The following DMD variants were observed in gnomAD, a reference collection of about 807,000 sequenced individuals.
DMD encodes the protein dystrophin, also known as mutant dystrophin.
In DMD, 63 loss-of-function variants were observed where a neutral mutation model predicts 330.1. That is an observed-to-expected ratio of 0.19 (90% confidence interval 0.16 to 0.24). The LOEUF (loss-of-function observed/expected upper bound fraction) is 0.24, where lower values mean the gene tolerates loss of function less well. DMD is among the 10% of genes least tolerant of loss of function. The probability of loss-of-function intolerance (pLI) is 1.00; values close to 1 mark genes in which losing one functional copy is unlikely to be tolerated. For synonymous variants in DMD, 1,223 were observed against 959.8 expected, an observed-to-expected ratio of 1.27 and a Z score of -5.07; for missense variants, 3,344 against 2,684.1, an observed-to-expected ratio of 1.25 and a Z score of -5.43.
intron 29 of DMD, among the ~76,000 whole-genome samples, chrX:32,429,634 C>G (rs1183863428): frequency 9.2e-6 from 1 of 108,807 alleles, no homozygotes; most frequent in African/African-American, 3.4e-5. Context: ...TTACTGCGTA[C>G]TGATTGAGAA....
At chrX:32,624,247 T>A (rs1287213385) in intron 11 of DMD, among the ~76,000 whole-genome samples, 2 of 111,812 alleles carry the variant, frequency 1.8e-5, no homozygotes, top group African/African-American at 6.5e-5. Context: ...TATACATATA[T>A]GACTGGCAAT....
At chrX:31,872,412 C>A (rs971621571) in intron 48 of DMD, among the ~76,000 whole-genome samples, 4 of 111,448 alleles carry the variant, frequency 3.6e-5, no homozygotes, top group Admixed American at 2.9e-4. Flanking sequence ...CATAGACAAT[C>A]GAAGACACAA....
chrX:31,674,317 T>C (rs1262099224), intron 53 of DMD, among the ~76,000 whole-genome samples: 1 of 112,495 alleles, frequency 8.9e-6, no homozygotes, highest in Non-Finnish European at 1.9e-5. Context: ...CTGCCTTAGT[T>C]ACTACATACA....
At chrX:31,946,187 T>TC (rs2095084266) in intron 45 of DMD, among the ~76,000 whole-genome samples, 1 of 111,510 alleles carries the variant, frequency 9.0e-6, no homozygotes, top group African/African-American at 3.3e-5. Flanking sequence ...TAACAGTGAG[T>TC]CCCTCTGAGT....
chrX:33,094,718 G>A (rs1392999921), intron 1 of DMD, among the ~76,000 whole-genome samples: 1 of 107,000 alleles, frequency 9.3e-6, no homozygotes, highest in Non-Finnish European at 1.9e-5. Context: ...TGAGGAGGGA[G>A]AATCGCTTGA....
chrX:32,669,816 C>T (rs770229655), intron 9 of DMD, among the ~76,000 whole-genome samples: 2 of 110,925 alleles, frequency 1.8e-5, no homozygotes, highest in African/African-American at 3.3e-5. Context: ...CTGCCAATGC[C>T]CTTCTCTTGC....
chrX:31,458,126 G>T (rs1388966566), intron 59 of DMD, among the ~76,000 whole-genome samples: 1 of 111,214 alleles, frequency 9.0e-6, no homozygotes, highest in Non-Finnish European at 1.9e-5. Context: ...ACATCATAAT[G>T]GTTCATCTTC....
At position 31,932,117 on chromosome X, in the gene DMD, T is replaced by C; in HGVS notation, c.6725A>G (p.Lys2242Arg). Residue 2242 changes from lysine to arginine, a missense_variant, in exon 46 of 79, where the codon AAA (lysine) becomes AGA (arginine). Lys to Arg is a conservative substitution (Grantham distance 26, BLOSUM62 2). Coordinates refer to ENST00000357033, the MANE Select transcript of DMD (RefSeq NM_004006.3). ...AAGCTTTTCTTTTAGTTGCTGCTCTTTTCCAGGTTCAAGTGGGATACTAGC... is the reference window on the plus strand; with the variant it reads ...AAGCTTTTCTTTTAGTTGCTGCTCTCTTCCAGGTTCAAGTGGGATACTAGC... ...NIASIPLEPG[K>R]EQQLKEKLEQ... is the part of the protein sequence containing the mutation. The C allele has an allele frequency of 1.7e-6, 2 of 1,211,306 alleles. No individual in the cohort carries two copies. The highest frequency in any genetic ancestry group is 2.2e-6 in the Non-Finnish European group (2 of 895,022).
At chrX:32,297,994 G>C (rs907338416) in intron 42 of DMD, among the ~76,000 whole-genome samples, 1 of 110,125 alleles carries the variant, frequency 9.1e-6, no homozygotes, top group Non-Finnish European at 1.9e-5. Flanking sequence ...ATGAGCTAGC[G>C]ACTACCAGAG....
intron 52 of DMD, among the ~76,000 whole-genome samples, chrX:31,721,269 C>A (rs2085451868): frequency 9.0e-6 from 1 of 111,147 alleles, no homozygotes; most frequent in Non-Finnish European, 1.9e-5. Context: ...GGCTATGGTT[C>A]CCAGTTGTTT....
chrX:31,147,120 C>T (rs1337486640), intron 75 of DMD, among the ~76,000 whole-genome samples, 155 bp downstream of exon 75: 1 of 111,943 alleles, frequency 8.9e-6, no homozygotes, highest in Non-Finnish European at 1.9e-5. Context: ...TTTTCTATCT[C>T]CTCTACTTCT....
intron 2 of DMD, among the ~76,000 whole-genome samples, chrX:32,857,045 A>AC (rs781027351): frequency 5.5e-5 from 6 of 108,200 alleles, no homozygotes; most frequent in Admixed American, 4.9e-4. Context: ...ACTGCACTCC[A>AC]CCCTGGGTGA....
At chrX:32,508,293 C>A (rs910341843) in intron 18 of DMD, among the ~76,000 whole-genome samples, 1 of 111,698 alleles carries the variant, frequency 9.0e-6, no homozygotes, top group Non-Finnish European at 1.9e-5. Flanking sequence ...GGGCACATTA[C>A]TTTCAAGAGG....
At chrX:32,213,090 A>G (rs1203328383) in intron 44 of DMD, among the ~76,000 whole-genome samples, 1 of 112,253 alleles carries the variant, frequency 8.9e-6, no homozygotes, top group East Asian at 2.8e-4. Context: ...TTTATTTCAT[A>G]TCTAAAAGTT....
intron 63 of DMD, among the ~76,000 whole-genome samples, chrX:31,246,423 C>T (rs1270030556): frequency 1.8e-5 from 2 of 112,481 alleles, no homozygotes; most frequent in East Asian, 5.6e-4. Context: ...AAGGTGGCTA[C>T]AACGAACAAC....
chrX:32,358,371 C>T (rs759806712), intron 37 of DMD, among the ~76,000 whole-genome samples: 11 of 111,209 alleles, frequency 9.9e-5, no homozygotes, highest in African/African-American at 2.9e-4. Flanking sequence ...CACTATACTC[C>T]GATGCCCTAA....
intron 6 of DMD, among the ~76,000 whole-genome samples, chrX:32,810,913 T>C (rs1337523567): frequency 9.0e-6 from 1 of 111,610 alleles, no homozygotes; most frequent in Non-Finnish European, 1.9e-5. Flanking sequence ...GGATCCATAG[T>C]TTCCTGCACT....
At chrX:33,220,691 T>A (rs1276818356) in intron 1 of DMD, among the ~76,000 whole-genome samples, 9 of 111,786 alleles carry the variant, frequency 8.1e-5, no homozygotes, top group African/African-American at 2.6e-4. Context: ...TGTCTCCACT[T>A]GCAATTTCTT....
At chrX:31,656,084 C>CTA (rs757887911) in intron 54 of DMD, among the ~76,000 whole-genome samples, 10 of 111,983 alleles carry the variant, frequency 8.9e-5, no homozygotes, top group African/African-American at 3.2e-4. Context: ...CAGACTGAAA[C>CTA]TACACAAGTG....
Sources: allele counts gnomAD v4.1 joint callset (sites outside exome capture counted in the v4.1 genomes callset), GRCh38; gene constraint gnomAD v4.1.1; transcripts MANE v1.5; gene names NCBI Gene and HGNC (gene_info 2026-07-23, HGNC 2026-07-21).